The following ARID4B variants were observed in gnomAD, a reference collection of about 807,000 sequenced individuals.
ARID4B encodes the protein AT-rich interaction domain 4B, also known as AT-rich interactive domain-containing protein 4B.
ARID4B carries 26 observed loss-of-function variants against 147.5 expected under a neutral mutation model. The observed-to-expected ratio is 0.18, with a 90% CI of 0.13 to 0.24. The LOEUF (loss-of-function observed/expected upper bound fraction) is 0.24, where lower values mean the gene tolerates loss of function less well. ARID4B is among the 10% of genes least tolerant of loss of function. The pLI is 1.00. For missense variants in ARID4B, 1,179 were observed against 1,511.5 expected, an observed-to-expected ratio of 0.78 and a Z score of 3.65; for synonymous variants, 512 against 507.9, an observed-to-expected ratio of 1.01 and a Z score of -0.11.
At chr1:235,299,372 C>T (rs1672971284) in intron 2 of ARID4B, among the ~76,000 whole-genome samples, 1 of 152,124 alleles carries the variant, frequency 6.6e-6, no homozygotes. Flanking sequence ...CACCACCACG[C>T]CCAGCTATTT....
At chr1:235,323,556 G>A (rs573764769) in intron 2 of ARID4B, among the ~76,000 whole-genome samples, 4 of 152,140 alleles carry the variant, frequency 2.6e-5, no homozygotes, top group East Asian at 3.9e-4. Flanking sequence ...AGGCCGAGGC[G>A]GGCAGATCAC....
chr1:235,284,911 T>TA (rs71172285), intron 2 of ARID4B, among the ~76,000 whole-genome samples: 44,847 of 150,020 alleles, frequency 0.3, 7,681 homozygotes, highest in South Asian at 0.54. Flanking sequence ...TATATATATA[T>TA]TTTTTTTTTG....
At chr1:235,169,660 T>C (rs759811737) in intron 23 of ARID4B, among the ~76,000 whole-genome samples, 1 of 140,656 alleles carries the variant, frequency 7.1e-6, no homozygotes, top group Non-Finnish European at 1.6e-5. Flanking sequence ...CTCAGCCTCC[T>C]TTTTTTTTTT....
In ARID4B at chr1:235,274,993, T is replaced by TTGTGTGTGTG. The variant is rs72168611; in HGVS notation, c.7-14251_7-14242dup. 8.5e-3 allele frequency among the ~76,000 whole-genome samples: 1,264 copies of TTGTGTGTGTG among 148,486 alleles called. 19 individuals are homozygous for TTGTGTGTGTG. The highest frequency in any genetic ancestry group is 0.03 in the African/African-American group (1,213 of 40,510). On this transcript the variant is annotated intron_variant, in intron 2 of 23. Transcript: ENST00000264183. ...GGAAAATCCAACACTAGGCCTAATTTTGTGTGTGTGTGTGTGTGTGTGTGT... is the reference window on the plus strand; with the variant it reads ...GGAAAATCCAACACTAGGCCTAATTTTGTGTGTGTGTGTGTGTGTGTGTGTGTGTGTGTGT...
chr1:235,169,774 G>T (rs1320687628), intron 23 of ARID4B, among the ~76,000 whole-genome samples: 2 of 150,878 alleles, frequency 1.3e-5, no homozygotes, highest in African/African-American at 4.9e-5. Flanking sequence ...CAATTTTCCT[G>T]TCTCAGCCTC....
At chr1:235,173,786 ATATATATATATATATATATATATATATG>A (rs1260226116) in intron 22 of ARID4B, among the ~76,000 whole-genome samples, 22 of 64,184 alleles carry the variant, frequency 3.4e-4, no homozygotes, top group African/African-American at 7.8e-4. Flanking sequence ...ATATATATAT[ATATATATATATATATATATATATATATG>A]TATACCTAAA....
chr1:235,298,476 AAT>A, intron 2 of ARID4B, among the ~76,000 whole-genome samples: 1 of 149,136 alleles, frequency 6.7e-6, no homozygotes, highest in East Asian at 1.9e-4. Context: ...CATATATATG[AAT>A]ATAACGTATA....
intron 2 of ARID4B, among the ~76,000 whole-genome samples, chr1:235,283,026 T>C (rs994966025): frequency 2.6e-5 from 4 of 152,210 alleles, no homozygotes; most frequent in African/African-American, 4.8e-5. Flanking sequence ...TCCACCTGCC[T>C]TGGCCTCCCA....
At chr1:235,218,221 G>T (rs896696256) in intron 16 of ARID4B, among the ~76,000 whole-genome samples, 49 of 152,072 alleles carry the variant, frequency 3.2e-4, no homozygotes, top group Non-Finnish European at 1.0e-4. Context: ...GTCACATCAG[G>T]AAAATTTTAG....
intron 17 of ARID4B, among the ~76,000 whole-genome samples, chr1:235,203,459 T>G (rs1375274700): frequency 6.6e-6 from 1 of 152,164 alleles, no homozygotes; most frequent in Non-Finnish European, 1.5e-5. Context: ...TAAAGGTATT[T>G]TAAAAATAAC....
At position 235,313,027 on chromosome 1, in the gene ARID4B, A is replaced by G. The variant is rs141781867; in HGVS notation, c.6+13887T>C. Among the ~76,000 whole-genome samples, 148 of 152,274 alleles carry G rather than the reference A, an allele frequency of 9.7e-4. 2 individuals are homozygous for G. In the East Asian group the frequency reaches 0.017, roughly 17 times the overall value. On this transcript the variant is annotated intron_variant, in intron 2 of 23. Coordinates refer to ENST00000264183, the MANE Select transcript of ARID4B (RefSeq NM_016374.6). ...GGTTCTTTGATGAGGTATCCTTATCAAGATAAAACTGAAAATGTGAAAAGT... is the reference window on the plus strand; with the variant it reads ...GGTTCTTTGATGAGGTATCCTTATCGAGATAAAACTGAAAATGTGAAAAGT...
chr1:235,317,360 G>A (rs1674512550), intron 2 of ARID4B, among the ~76,000 whole-genome samples: 1 of 152,154 alleles, frequency 6.6e-6, no homozygotes. Context: ...CCTCTCCTCT[G>A]AAGCCTACAC....
chr1:235,178,643 C>G (rs976440239), intron 20 of ARID4B, among the ~76,000 whole-genome samples: 1 of 152,166 alleles, frequency 6.6e-6, no homozygotes, highest in South Asian at 2.1e-4. Flanking sequence ...TTCTATACTA[C>G]TCATTTGGTC....
intron 2 of ARID4B, among the ~76,000 whole-genome samples, chr1:235,323,948 G>A (rs1337302639): frequency 2.0e-5 from 3 of 147,680 alleles, no homozygotes; most frequent in African/African-American, 5.0e-5. Flanking sequence ...TTTTTTCGCC[G>A]AGGCTGGAGT....
At chr1:235,200,103 G>A (rs1379822682) in intron 17 of ARID4B, among the ~76,000 whole-genome samples, 4 of 151,750 alleles carry the variant, frequency 2.6e-5, no homozygotes, top group African/African-American at 7.3e-5. Flanking sequence ...CAGATCACCC[G>A]AGGCCAGGAG....
chr1:235,212,472 G>GTTGCTAT (rs1023485022), intron 17 of ARID4B, among the ~76,000 whole-genome samples: 14 of 152,156 alleles, frequency 9.2e-5, no homozygotes, highest in East Asian at 1.9e-4. Context: ...CATGACTTAA[G>GTTGCTAT]TTGCTATTTG....
chr1:235,173,060 CTG>C (rs1368504580), intron 22 of ARID4B, among the ~76,000 whole-genome samples: 1 of 151,930 alleles, frequency 6.6e-6, no homozygotes, highest in African/African-American at 2.4e-5. Flanking sequence ...AAAAATAAAA[CTG>C]GGGCTGGGCA....
chr1:235,173,984 C>T (rs1448206631), intron 22 of ARID4B, among the ~76,000 whole-genome samples: 1 of 150,748 alleles, frequency 6.6e-6, no homozygotes, highest in Non-Finnish European at 1.5e-5. Context: ...CCTATCCATT[C>T]CTCACCCCTA....
intron 11 of ARID4B, among the ~76,000 whole-genome samples, chr1:235,226,585 G>C (rs1201475597): frequency 6.6e-6 from 1 of 150,726 alleles, no homozygotes; most frequent in Non-Finnish European, 1.5e-5. Context: ...GCAGTGGCGT[G>C]ATCTCGGCTC....
Sources: allele counts gnomAD v4.1 joint callset (sites outside exome capture counted in the v4.1 genomes callset), GRCh38; gene constraint gnomAD v4.1.1; transcripts MANE v1.5; gene names NCBI Gene and HGNC (gene_info 2026-07-23, HGNC 2026-07-21).